Variants in SNRNP48 observed in about 807,000 individuals in gnomAD.
SNRNP48 encodes small nuclear ribonucleoprotein U11/U12 subunit 48, also known as U11/U12 small nuclear ribonucleoprotein 48 kDa protein.
A neutral mutation model predicts 47.0 loss-of-function variants in SNRNP48; 43 were observed. The observed-to-expected ratio is 0.92, with a 90% CI of 0.72 to 1.18. The LOEUF is 1.18. Among genes scored for constraint, SNRNP48 ranks in the 50% most tolerant of loss-of-function variants. SNRNP48 has a pLI of 0.00. For missense variants in SNRNP48, 396 were observed against 422.2 expected (o/e 0.94, Z 0.54); for synonymous variants, 138 against 144.0 (o/e 0.96, Z 0.30).
chr6:7,591,162 T>C (rs752092813), intron 1 of SNRNP48, among the ~76,000 whole-genome samples: 4 of 152,216 alleles, frequency 2.6e-5, no homozygotes, highest in Admixed American at 1.3e-4. Flanking sequence ...GCTGGGAGTT[T>C]GCCAGTTCGC....
chr6:7,606,381 C>T lies in SNRNP48; in HGVS notation c.971+186C>T, dbSNP rs188647557. 7.9e-5 allele frequency among the ~76,000 whole-genome samples: 12 copies of T among 152,348 alleles called. No individual in the cohort carries two copies. The East Asian group carries it at 2.3e-3, about 29-fold the overall frequency. ...GTTCAAATAACCACCACTCTAGTGA[C>T]ATAGATCTCTACATGCGTGATTGGA... On this transcript the variant is annotated intron_variant, in intron 8 of 8. Transcript: ENST00000342415.
chr6:7,590,424 C>T lies in SNRNP48; in HGVS notation c.156+11C>T, dbSNP rs898929297. On this transcript the variant is annotated intron_variant, in intron 1 of 8. Coordinates refer to ENST00000342415, the MANE Select transcript of SNRNP48 (RefSeq NM_152551.4). Reference sequence around the variant, plus strand: ...GAGGAGGCGGCGGAGGTGAGGAGCGCGGCCGCGGGGCCCTTTCGGGGACTA... The same window carrying T: ...GAGGAGGCGGCGGAGGTGAGGAGCGTGGCCGCGGGGCCCTTTCGGGGACTA... The T allele has an allele frequency of 3.1e-6, 4 of 1,284,144 alleles. No homozygotes were observed. The highest frequency in any genetic ancestry group is 3.0e-6 in the Non-Finnish European group (3 of 1,005,234). The allele number at this position is 1,284,144 out of a possible 1,614,324, so 79.5% of individuals were successfully genotyped here.
chr6:7,605,347 A>G, intron 6 of SNRNP48, 51 bp from the exon 7 acceptor site: 5 of 1,436,132 alleles, frequency 3.5e-6, no homozygotes, highest in Non-Finnish European at 4.9e-6. Context: ...TTACAGTCTT[A>G]ATTTTTTGAG....
At chr6:7,601,170 T>A (rs903581592) in intron 4 of SNRNP48, 166 bp from the exon 5 acceptor site, 12 of 525,632 alleles carry the variant, frequency 2.3e-5, no homozygotes, top group Non-Finnish European at 3.6e-5. Context: ...AGGATAGAAT[T>A]GTTTGTCATT....
At chr6:7,607,748 A>C (rs1235586771) in intron 8 of SNRNP48, among the ~76,000 whole-genome samples, 1 of 152,198 alleles carries the variant, frequency 6.6e-6, no homozygotes, top group East Asian at 1.9e-4. Context: ...ACTTAGTTTT[A>C]TACACAAAGT....
At position 7,601,534 on chromosome 6, in the gene SNRNP48, G is replaced by A; in HGVS notation, c.595+10G>A. On this transcript the variant is annotated intron_variant, in intron 5 of 8. Coordinates refer to ENST00000342415, the MANE Select transcript of SNRNP48 (RefSeq NM_152551.4). ...GCCAAAATCAATCAAGGTTTGAGAT[G>A]CACATCATGGCTTTACATTTCTTCA... 4 of 1,548,014 alleles carry A rather than the reference G, an allele frequency of 2.6e-6. No homozygotes were observed. Among genetic ancestry groups the A allele is most frequent in the Non-Finnish European group, 3.5e-6 (4 of 1,154,272 alleles).
intron 4 of SNRNP48, among the ~76,000 whole-genome samples, chr6:7,598,911 A>G (rs1030051721): frequency 4.6e-5 from 7 of 152,196 alleles, no homozygotes; most frequent in Admixed American, 1.3e-4. Context: ...ATCATAAACA[A>G]TCATTTTATG....
In SNRNP48 at chr6:7,602,701, A is replaced by G. The variant is rs752435476; in HGVS notation, c.674A>G (p.Tyr225Cys). The G allele has an allele frequency of 2.5e-6, 4 of 1,601,644 alleles. No homozygotes were observed. The highest frequency in any genetic ancestry group is 3.4e-6 in the Non-Finnish European group (4 of 1,174,838). ...VRDYKRRRQSYRAKNVHITKK... is the reference protein window; with the variant it reads ...VRDYKRRRQSCRAKNVHITKK... ...GATTATAAAAGAAGACGCCAGTCCTATAGAGCCAAGAATGTTCACATAACC... is the reference window on the plus strand; with the variant it reads ...GATTATAAAAGAAGACGCCAGTCCTGTAGAGCCAAGAATGTTCACATAACC... The change falls in exon 6 of 9, where the codon TAT (tyrosine) becomes TGT (cysteine). Residue 225 changes from tyrosine to cysteine, a missense_variant. By Grantham distance (194) the Tyr-to-Cys change is radical. Transcript: ENST00000342415.
At position 7,593,757 on chromosome 6, in the gene SNRNP48, C is replaced by T. The variant is rs9502621; in HGVS notation, c.180C>T (p.Tyr60=). ...AAEDEVVICP[Y]DSNHHMPKSS... ...AGGATGAAGTTGTGATATGTCCATA[C>T]GATTCCAATCATCACATGCCTAAAT... Residue 60 remains tyrosine (Y), a synonymous_variant, in exon 2 of 9, where the codon TAC becomes TAT. Coordinates refer to ENST00000342415, the MANE Select transcript of SNRNP48 (RefSeq NM_152551.4). 16,728 of 1,595,182 alleles carry T rather than the reference C, an allele frequency of 0.01. 1,508 individuals carry two copies. In the African/African-American group the frequency reaches 0.2, roughly 19 times the overall value.
chr6:7,605,297 C>A, intron 6 of SNRNP48, 101 bp from the exon 7 acceptor site: 1 of 883,330 alleles, frequency 1.1e-6, no homozygotes, highest in Non-Finnish European at 1.8e-6. Flanking sequence ...TGTCATAGCA[C>A]TTAGTAAATA....
chr6:7,594,235 A>G, intron 3 of SNRNP48, 76 bp downstream of exon 3: 1 of 676,920 alleles, frequency 1.5e-6, no homozygotes, highest in Non-Finnish European at 2.4e-6. Context: ...TATGAAAAGA[A>G]TGGATTGTAT....
intron 6 of SNRNP48, among the ~76,000 whole-genome samples, chr6:7,604,602 C>G (rs990808997): frequency 1.3e-5 from 2 of 152,162 alleles, no homozygotes; most frequent in Non-Finnish European, 2.9e-5. Context: ...TGAGATTGCC[C>G]CGTGTCCCCT....
Position 7,593,734 on chromosome 6 carries a change from G to A in SNRNP48, c.157G>A (p.Asp53Asn). 6.4e-7 allele frequency: 1 copy of A among 1,551,280 alleles called. No homozygotes were observed. Among genetic ancestry groups the A allele is most frequent in the Non-Finnish European group, 8.7e-7 (1 of 1,151,404 alleles). The change falls in exon 2 of 9, where the codon GAT becomes AAT. Residue 53 changes from aspartate to asparagine, a missense_variant and splice_region_variant. Coordinates refer to ENST00000342415, the MANE Select transcript of SNRNP48 (RefSeq NM_152551.4). ...LDPGEEEAAE[D>N]EVVICPYDSN... ...CTTTGTTTCTGTTTGATTTTTATAG[G>A]ATGAAGTTGTGATATGTCCATACGA...
At chr6:7,591,925 G>GCTAGTCCTAGTTGTCACCTAGTTC (rs574652714) in intron 1 of SNRNP48, among the ~76,000 whole-genome samples, 3 of 152,116 alleles carry the variant, frequency 2.0e-5, no homozygotes, top group Admixed American at 6.5e-5. Flanking sequence ...TCCTCACAGA[G>GCTAGTCCTAGTTGTCACCTAGTTC]CTAGTCCTAG....
intron 4 of SNRNP48, among the ~76,000 whole-genome samples, chr6:7,597,017 T>G (rs1759915534): frequency 1.3e-5 from 2 of 152,356 alleles, no homozygotes; most frequent in South Asian, 2.1e-4. Flanking sequence ...TCTAGTGTGT[T>G]TGTTCTAAAG....
At chr6:7,605,617 T>C in intron 7 of SNRNP48, 131 bp downstream of exon 7, 1 of 847,098 alleles carries the variant, frequency 1.2e-6, no homozygotes. Context: ...ATGCTTTTTG[T>C]TTTTCGTTGT....
Position 7,593,814 on chromosome 6 carries a change from A to G in SNRNP48, c.237A>G (p.Arg79=), listed in dbSNP as rs748007672. The change falls in exon 2 of 9, where the codon AGA becomes AGG. Residue 79 remains arginine, a synonymous_variant. Transcript: ENST00000342415. The stretch of plus-strand genomic sequence containing the variant: ...TGGCAAAGCACATGGCATCTTGTAG[A>G]TTGAGGAAAATGGGCTATACCAAAG... ...SSLAKHMASC[R]LRKMGYTKEE... The G allele has an allele frequency of 6.3e-7, 1 of 1,597,618 alleles. No individual in the cohort carries two copies. Among genetic ancestry groups the G allele is most frequent in the South Asian group, 1.1e-5 (1 of 87,200 alleles).
chr6:7,598,382 C>G (rs1759947414), intron 4 of SNRNP48, among the ~76,000 whole-genome samples: 1 of 151,972 alleles, frequency 6.6e-6, no homozygotes, highest in Non-Finnish European at 1.5e-5. Context: ...GTAATCCCAG[C>G]TACTCAGGAG....
At chr6:7,591,007 T>C (rs1206856367) in intron 1 of SNRNP48, among the ~76,000 whole-genome samples, 1 of 152,016 alleles carries the variant, frequency 6.6e-6, no homozygotes, top group African/African-American at 2.4e-5. Flanking sequence ...TCCAGGAAGG[T>C]GTGTTGAGTG....
Sources: allele counts gnomAD v4.1 joint callset (sites outside exome capture counted in the v4.1 genomes callset), GRCh38; gene constraint gnomAD v4.1.1; transcripts MANE v1.5; gene names NCBI Gene and HGNC (gene_info 2026-07-23, HGNC 2026-07-21).